The following KIRREL3 variants were observed in gnomAD, a reference collection of about 807,000 sequenced individuals.
The protein encoded by KIRREL3 is kin of IRRE-like protein 3.
A neutral mutation model predicts 89.7 loss-of-function variants in KIRREL3; 36 were observed. The observed-to-expected ratio is 0.40, with a 90% confidence interval of 0.31 to 0.53. KIRREL3 has a LOEUF of 0.53. Ranked by LOEUF, KIRREL3 falls within the 20% of genes least tolerant of loss-of-function variation. The pLI is 0.49. For missense variants in KIRREL3, 864 were observed against 1,056.6 expected, an observed-to-expected ratio of 0.82 and a Z score of 2.53; for synonymous variants, 445 against 441.4, an observed-to-expected ratio of 1.01 and a Z score of -0.10.
chr11:126,790,391 C>T (rs958805683), intron 1 of KIRREL3, among the ~76,000 whole-genome samples: 4 of 152,188 alleles, frequency 2.6e-5, no homozygotes, highest in African/African-American at 9.7e-5. Context: ...GAGGCTCTCC[C>T]CTGGTTAGCT....
chr11:126,732,732 C>G (rs1025208374), intron 1 of KIRREL3, among the ~76,000 whole-genome samples: 1 of 152,174 alleles, frequency 6.6e-6, no homozygotes. Context: ...AAGGTAACCT[C>G]GTAATGCTGA....
At position 126,489,470 on chromosome 11, in the gene KIRREL3, T is replaced by A. The variant is rs1957452277; in HGVS notation, c.434-16004A>T. On this transcript the variant is annotated intron_variant, in intron 4 of 16. Coordinates refer to ENST00000525144, the MANE Select transcript of KIRREL3 (RefSeq NM_032531.4). The surrounding 1 kb of genome is among the most constrained non-coding windows in gnomAD (Gnocchi z 5.5). ...CTAGGACACATTGATAAGCATGGAG[T>A]GTCAACTATGTTCCAAAAGCTTCCT... Among the ~76,000 whole-genome samples, 1 of 151,962 alleles carries A rather than the reference T, an allele frequency of 6.6e-6. No homozygotes were observed. Among genetic ancestry groups the A allele is most frequent in the African/African-American group, 2.4e-5 (1 of 41,354 alleles).
chr11:126,606,500 G>A lies in KIRREL3; in HGVS notation c.56-43588C>T, dbSNP rs181402607. ...TAAGTTGTCGATTTCACAGGGCCATGGGGGAGGGAAGTCCGGGCTCTCTGG... is the reference window on the plus strand; with the variant it reads ...TAAGTTGTCGATTTCACAGGGCCATAGGGGAGGGAAGTCCGGGCTCTCTGG... On this transcript the variant is annotated intron_variant, in intron 1 of 16. Coordinates refer to ENST00000525144, the MANE Select transcript of KIRREL3 (RefSeq NM_032531.4). The surrounding 1 kb of genome is among the most constrained non-coding windows in gnomAD (Gnocchi z 4.6). Among the ~76,000 whole-genome samples, 2 of 152,158 alleles carry A rather than the reference G, an allele frequency of 1.3e-5. No individual in the cohort carries two copies. Among genetic ancestry groups the A allele is most frequent in the Admixed American group, 6.5e-5 (1 of 15,282 alleles).
rs1309575660 is a variant in KIRREL3, at chr11:126,474,552, C to T, written c.434-1086G>A. Among the ~76,000 whole-genome samples, 1 of 152,230 alleles carries T rather than the reference C, an allele frequency of 6.6e-6. No homozygotes were observed. The highest frequency in any genetic ancestry group is 1.9e-4 in the East Asian group (1 of 5,196). On this transcript the variant is annotated intron_variant, in intron 4 of 16. Coordinates refer to ENST00000525144, the MANE Select transcript of KIRREL3 (RefSeq NM_032531.4). This position sits in a 1 kb window ranked among gnomAD's most constrained non-coding sequence, Gnocchi z 6.7. The stretch of plus-strand genomic sequence containing the variant: ...CTGGCATCTCCTGAGCTCCTCACTC[C>T]TCCAGAGCGGCTCCAGCCCCTTCAT...
In KIRREL3 at chr11:126,788,415, G is replaced by A. The variant is rs2134350540; in HGVS notation, c.55+212040C>T. 6.6e-6 allele frequency among the ~76,000 whole-genome samples: 1 copy of A among 152,336 alleles called. No homozygotes were observed. The highest frequency in any genetic ancestry group is 1.9e-4 in the East Asian group (1 of 5,184). On this transcript the variant is annotated intron_variant, in intron 1 of 16. Coordinates refer to ENST00000525144, the MANE Select transcript of KIRREL3 (RefSeq NM_032531.4). This position sits in a 1 kb window ranked among gnomAD's most constrained non-coding sequence, Gnocchi z 4.1. ...TTGGTTTTGAGACTGAGACAGGGCT[G>A]TGCTTCTTCCCTTGCCTCCTCTGTC...
intron 2 of KIRREL3, among the ~76,000 whole-genome samples, chr11:126,529,356 C>T (rs1199199892): frequency 3.3e-5 from 5 of 152,232 alleles, no homozygotes; most frequent in African/African-American, 7.2e-5. Context: ...CTCTGAGTGG[C>T]CACAGACCCT....
Position 126,805,195 on chromosome 11 carries a change from C to T in KIRREL3, c.55+195260G>A, listed in dbSNP as rs1393749464. On this transcript the variant is annotated intron_variant, in intron 1 of 16. Transcript: ENST00000525144. This position sits in a 1 kb window ranked among gnomAD's most constrained non-coding sequence, Gnocchi z 4.3. ...AACATCTTTGTATTCAGATTAATCC[C>T]TTCATAAATTAATACATGAAACAAT... Among the ~76,000 whole-genome samples the T allele has an allele frequency of 6.6e-6, 1 of 152,140 alleles. No homozygotes were observed. Among genetic ancestry groups the T allele is most frequent in the Non-Finnish European group, 1.5e-5 (1 of 68,038 alleles).
chr11:126,667,720 T>G (rs941405250), intron 1 of KIRREL3, among the ~76,000 whole-genome samples: 1 of 152,318 alleles, frequency 6.6e-6, no homozygotes, highest in Admixed American at 6.5e-5. Flanking sequence ...TTGGGATATT[T>G]ACAGCTTCCA....
intron 1 of KIRREL3, among the ~76,000 whole-genome samples, chr11:126,886,107 C>A (rs1056799654): frequency 2.0e-5 from 3 of 152,170 alleles, no homozygotes; most frequent in African/African-American, 7.2e-5. Context: ...ACATGACATT[C>A]CTGTTAGTCC....
Position 126,791,987 on chromosome 11 carries a change from C to A in KIRREL3, c.55+208468G>T, listed in dbSNP as rs890718846. ...GTGTGGTTCTCCTCTTCTCTGTATGCCACTTTTCCCCATTTCCTGGTGCCT... is the reference window on the plus strand; with the variant it reads ...GTGTGGTTCTCCTCTTCTCTGTATGACACTTTTCCCCATTTCCTGGTGCCT... On this transcript the variant is annotated intron_variant, in intron 1 of 16. Transcript: ENST00000525144. This position sits in a 1 kb window ranked among gnomAD's most constrained non-coding sequence, Gnocchi z 4.8. Among the ~76,000 whole-genome samples the A allele has an allele frequency of 2.6e-5, 4 of 152,154 alleles. No individual in the cohort carries two copies. The highest frequency in any genetic ancestry group is 5.9e-5 in the Non-Finnish European group (4 of 68,032).
chr11:126,592,225 C>A (rs1942171628), intron 1 of KIRREL3, among the ~76,000 whole-genome samples: 2 of 152,178 alleles, frequency 1.3e-5, no homozygotes, highest in South Asian at 4.1e-4. Flanking sequence ...AACACCATAA[C>A]TTAATCCTTA....
chr11:126,585,461 T>C (rs1272755672), intron 1 of KIRREL3, among the ~76,000 whole-genome samples: 1 of 149,866 alleles, frequency 6.7e-6, no homozygotes, highest in Non-Finnish European at 1.5e-5. Context: ...CTCGAATTCC[T>C]GACCTCGTGT....
chr11:126,782,497 T>C lies in KIRREL3; in HGVS notation c.55+217958A>G, dbSNP rs773960563. Among the ~76,000 whole-genome samples, 66 of 152,132 alleles carry C rather than the reference T, an allele frequency of 4.3e-4. No homozygotes were observed. The highest frequency in any genetic ancestry group is 8.4e-4 in the Non-Finnish European group (57 of 68,026). On this transcript the variant is annotated intron_variant, in intron 1 of 16. Transcript: ENST00000525144. The surrounding 1 kb of genome is among the most constrained non-coding windows in gnomAD (Gnocchi z 4.1). ...ATTCAGTTTGGAGAGGAGGCAGGGGTGCCACTAGCTGATTTAGCGACTTTT... is the reference window on the plus strand; with the variant it reads ...ATTCAGTTTGGAGAGGAGGCAGGGGCGCCACTAGCTGATTTAGCGACTTTT...
In KIRREL3 at chr11:126,703,703, A is replaced by C. The variant is rs1947405529; in HGVS notation, c.56-140791T>G. Among the ~76,000 whole-genome samples the C allele has an allele frequency of 6.6e-6, 1 of 152,178 alleles. No individual in the cohort carries two copies. The highest frequency in any genetic ancestry group is 1.5e-5 in the Non-Finnish European group (1 of 68,020). Reference sequence around the variant, plus strand: ...ACGGGCAGGGGAGGCAGGACTCCTAAGCCTGGGCCCTCTGACTGCCTGGGC... The same window carrying C: ...ACGGGCAGGGGAGGCAGGACTCCTACGCCTGGGCCCTCTGACTGCCTGGGC... On this transcript the variant is annotated intron_variant, in intron 1 of 16. Transcript: ENST00000525144. This position sits in a 1 kb window ranked among gnomAD's most constrained non-coding sequence, Gnocchi z 4.6.
rs151138641 is a variant in KIRREL3, at chr11:126,905,843, C to T, written c.55+94612G>A. On this transcript the variant is annotated intron_variant, in intron 1 of 16. Coordinates refer to ENST00000525144, the MANE Select transcript of KIRREL3 (RefSeq NM_032531.4). This position sits in a 1 kb window ranked among gnomAD's most constrained non-coding sequence, Gnocchi z 5.0. ...CCAGTGGGGACATGACTCCCCAAAG[C>T]ACTTCAGGGGTTCCTTTGTCCGCAC... Among the ~76,000 whole-genome samples, 24 of 152,304 alleles carry T rather than the reference C, an allele frequency of 1.6e-4. No homozygotes were observed. Among genetic ancestry groups the T allele is most frequent in the South Asian group, 2.1e-4 (1 of 4,822 alleles).
chr11:126,708,812 C>T lies in KIRREL3; in HGVS notation c.56-145900G>A, dbSNP rs1367424918. Among the ~76,000 whole-genome samples the T allele has an allele frequency of 2.0e-5, 3 of 152,218 alleles. No homozygotes were observed. In the East Asian group the frequency reaches 5.8e-4, roughly 29 times the overall value. The stretch of plus-strand genomic sequence containing the variant: ...TCCCGTTCCTACCAAATGCACCAAT[C>T]ATCACTAAGCCAGGTCAAAGGCCAT... On this transcript the variant is annotated intron_variant, in intron 1 of 16. Transcript: ENST00000525144. The surrounding 1 kb of genome is among the most constrained non-coding windows in gnomAD (Gnocchi z 5.7).
At chr11:126,506,907 A>G (rs1958037345) in intron 4 of KIRREL3, among the ~76,000 whole-genome samples, 1 of 152,090 alleles carries the variant, frequency 6.6e-6, no homozygotes, top group African/African-American at 2.4e-5. Flanking sequence ...TTACAGGTGT[A>G]AACCACCACA....
rs962088151 is a variant in KIRREL3 at position 126,571,857 on chromosome 11, C to T, written c.56-8945G>A. On this transcript the variant is annotated intron_variant, in intron 1 of 16. Coordinates refer to ENST00000525144, the MANE Select transcript of KIRREL3 (RefSeq NM_032531.4). This position sits in a 1 kb window ranked among gnomAD's most constrained non-coding sequence, Gnocchi z 7.7. The stretch of plus-strand genomic sequence containing the variant: ...ATGCCTCAGCCCGTCTCTGATTTAA[C>T]GTATCTAATTCCAATGAGTTACTTG... Among the ~76,000 whole-genome samples, 20 of 152,288 alleles carry T rather than the reference C, an allele frequency of 1.3e-4. No homozygotes were observed. Among genetic ancestry groups the T allele is most frequent in the African/African-American group, 1.9e-4 (8 of 41,564 alleles).
At chr11:126,819,139 T>A (rs547515247) in intron 1 of KIRREL3, among the ~76,000 whole-genome samples, 1 of 151,974 alleles carries the variant, frequency 6.6e-6, no homozygotes, top group Non-Finnish European at 1.5e-5. Context: ...ATGCAAGACT[T>A]GTAGATATGA....
Sources: allele counts gnomAD v4.1 joint callset (sites outside exome capture counted in the v4.1 genomes callset), GRCh38; gene constraint gnomAD v4.1.1; non-coding constraint Gnocchi (gnomAD v3.1); transcripts MANE v1.5; gene names NCBI Gene and HGNC (gene_info 2026-07-23, HGNC 2026-07-21).